Variants in HDAC9 observed in about 807,000 individuals in gnomAD.
HDAC9 encodes MEF-2 interacting transcription repressor (MITR) protein.
Under a neutral mutation model 139.4 loss-of-function variants are expected in HDAC9, and 41 were observed. The ratio of observed to expected loss-of-function variants is 0.29; its 90% CI spans 0.23 to 0.38. The LOEUF is 0.38. HDAC9 is among the 10% of genes least tolerant of loss of function. HDAC9 has a pLI of 1.00. For synonymous variants in HDAC9, 517 were observed against 476.2 expected (o/e 1.09, Z -1.12); for missense variants, 1,147 against 1,297.0 (o/e 0.88, Z 1.78).
chr7:18,388,245 G>A (rs1170832558), intron 1 of HDAC9, among the ~76,000 whole-genome samples: 1 of 152,088 alleles, frequency 6.6e-6, no homozygotes, highest in African/African-American at 2.4e-5. Context: ...TTTTATTTAT[G>A]TTCCCAGTAC....
At chr7:18,872,680 G>T (rs2129244786) in intron 21 of HDAC9, among the ~76,000 whole-genome samples, 1 of 152,200 alleles carries the variant, frequency 6.6e-6, no homozygotes, top group East Asian at 1.9e-4. Context: ...CTAAAATTAT[G>T]TGGGCAATCT....
intron 24 of HDAC9, among the ~76,000 whole-genome samples, chr7:18,958,890 T>C (rs558829194): frequency 1.1e-4 from 16 of 152,252 alleles, no homozygotes; most frequent in Non-Finnish European, 1.5e-4. Context: ...AGGAAGAACA[T>C]GGATTATTTT....
At chr7:18,100,189 T>TA (rs1349272824) in intron 1 of HDAC9, among the ~76,000 whole-genome samples, 1 of 152,184 alleles carries the variant, frequency 6.6e-6, no homozygotes, top group African/African-American at 2.4e-5. Context: ...CTGTCATTCT[T>TA]ACTTTTGTTC....
chr7:18,658,785 G>C (rs1192822554), intron 11 of HDAC9, among the ~76,000 whole-genome samples: 1 of 150,640 alleles, frequency 6.6e-6, no homozygotes, highest in Non-Finnish European at 1.5e-5. Flanking sequence ...TAATCTATTT[G>C]TGAATTCAAA....
intron 2 of HDAC9, among the ~76,000 whole-genome samples, chr7:18,240,550 C>T (rs921611868): frequency 2.6e-5 from 4 of 152,158 alleles, no homozygotes; most frequent in African/African-American, 9.7e-5. Context: ...TGGACTCTCA[C>T]AGTCGTCTCC....
At chr7:18,823,003 T>G (rs2129200627) in intron 17 of HDAC9, among the ~76,000 whole-genome samples, 1 of 152,330 alleles carries the variant, frequency 6.6e-6, no homozygotes, top group South Asian at 2.1e-4. Flanking sequence ...CTGTTTTTAT[T>G]AAGACTTAAT....
At chr7:18,106,104 G>A in intron 1 of HDAC9, among the ~76,000 whole-genome samples, 1 of 152,186 alleles carries the variant, frequency 6.6e-6, no homozygotes, top group East Asian at 1.9e-4. Context: ...GTTTCTTTCT[G>A]TGGCAATGAA....
At chr7:18,743,926 A>G (rs1787690154) in intron 13 of HDAC9, among the ~76,000 whole-genome samples, 2 of 151,186 alleles carry the variant, frequency 1.3e-5, no homozygotes, top group South Asian at 4.2e-4. Context: ...TGTTTTTAGG[A>G]GATCTTTGAT....
At chr7:18,315,365 A>G (rs993687257) in intron 1 of HDAC9, among the ~76,000 whole-genome samples, 1 of 152,184 alleles carries the variant, frequency 6.6e-6, no homozygotes, top group African/African-American at 2.4e-5. Flanking sequence ...ACTGAGGCAC[A>G]GCGTGGCTCA....
chr7:18,169,283 AC>A (rs1468304114), intron 2 of HDAC9, among the ~76,000 whole-genome samples: 1 of 151,948 alleles, frequency 6.6e-6, no homozygotes, highest in Non-Finnish European at 1.5e-5. Flanking sequence ...TGTTTTTCTT[AC>A]ATACTGTAAT....
intron 1 of HDAC9, among the ~76,000 whole-genome samples, chr7:18,355,656 T>G (rs980011472): frequency 1.3e-5 from 2 of 152,156 alleles, no homozygotes; most frequent in African/African-American, 4.8e-5. Context: ...TGTGGAAGGT[T>G]AAATATACAG....
chr7:18,253,358 A>C (rs1795042465), intron 2 of HDAC9, among the ~76,000 whole-genome samples: 1 of 151,720 alleles, frequency 6.6e-6, no homozygotes, highest in Non-Finnish European at 1.5e-5. Flanking sequence ...AAACTAATTT[A>C]CACTCCTACC....
intron 21 of HDAC9, among the ~76,000 whole-genome samples, chr7:18,853,209 C>G (rs971240104): frequency 2.0e-5 from 3 of 151,944 alleles, no homozygotes; most frequent in East Asian, 3.9e-4. Context: ...GAAAAAATAC[C>G]CTTTACATCC....
At chr7:18,695,992 C>T (rs913925691) in intron 12 of HDAC9, among the ~76,000 whole-genome samples, 7 of 152,096 alleles carry the variant, frequency 4.6e-5, no homozygotes, top group Admixed American at 2.0e-4. Context: ...CCAAAGTGAA[C>T]TCAAATTGTT....
intron 21 of HDAC9, among the ~76,000 whole-genome samples, chr7:18,845,053 C>CA (rs1374131263): frequency 6.6e-6 from 1 of 152,042 alleles, no homozygotes; most frequent in African/African-American, 2.4e-5. Context: ...GACTCAGTTT[C>CA]AATGAACTGA....
intron 14 of HDAC9, among the ~76,000 whole-genome samples, chr7:18,753,971 T>C (rs770757015): frequency 1.3e-5 from 2 of 152,108 alleles, no homozygotes; most frequent in Non-Finnish European, 2.9e-5. Flanking sequence ...TCAGTAAACA[T>C]ATTGCTCTTA....
chr7:18,220,451 A>G (rs946780932), intron 2 of HDAC9, among the ~76,000 whole-genome samples: 14 of 152,146 alleles, frequency 9.2e-5, no homozygotes, highest in Non-Finnish European at 5.9e-5. Context: ...GTATAGATAC[A>G]TAGATGTTCA....
chr7:18,287,018 AT>A (rs1225684037), upstream of HDAC9, among the ~76,000 whole-genome samples: 1 of 152,154 alleles, frequency 6.6e-6, no homozygotes, highest in Non-Finnish European at 1.5e-5. Flanking sequence ...CCCTGTTCTG[AT>A]TTGCAGACAG....
chr7:18,324,802 C>A (rs186462623), intron 1 of HDAC9, among the ~76,000 whole-genome samples: 111 of 152,232 alleles, frequency 7.3e-4, no homozygotes, highest in Non-Finnish European at 1.1e-3. Flanking sequence ...CCTTTAATAA[C>A]TTTAGCATTT....
Sources: gnomAD v4.1 joint callset for allele counts (sites outside exome capture counted in the v4.1 genomes callset) on GRCh38, gnomAD v4.1.1 for gene constraint, MANE v1.5 for transcripts, NCBI Gene and HGNC (gene_info 2026-07-23, HGNC 2026-07-21) for gene names.